LITAF: variants seen among roughly 807,000 people sequenced by gnomAD.
The protein encoded by LITAF is lipopolysaccharide induced TNF factor.
LITAF carries 9 observed loss-of-function variants against 14.5 expected under a neutral mutation model. That is an observed-to-expected ratio of 0.62 (90% CI 0.37 to 1.08). LITAF has a LOEUF of 1.08. Among genes scored for constraint, LITAF ranks in the 50% least tolerant of loss-of-function variants. The probability of loss-of-function intolerance (pLI) is 0.01; values close to 1 mark genes in which losing one functional copy is unlikely to be tolerated. For synonymous variants in LITAF, 98 were observed against 88.2 expected (o/e 1.11, Z -0.62); for missense variants, 206 against 213.4 (o/e 0.97, Z 0.22).
chr16:11,615,386 A>T (rs1567264345), intron 3 of LITAF, among the ~76,000 whole-genome samples: 1 of 152,248 alleles, frequency 6.6e-6, no homozygotes, highest in East Asian at 1.9e-4. Flanking sequence ...AAAATACAAA[A>T]ATTAGCCTGG....
intron 1 of LITAF, among the ~76,000 whole-genome samples, chr16:11,585,885 T>C (rs1165919361): frequency 6.6e-6 from 1 of 152,268 alleles, no homozygotes; most frequent in Admixed American, 6.5e-5. Context: ...GCCAGTGACA[T>C]CAGCTCCACT....
chr16:11,626,945 T>A (rs1327644226), intron 3 of LITAF, among the ~76,000 whole-genome samples: 1 of 151,832 alleles, frequency 6.6e-6, no homozygotes, highest in Admixed American at 6.6e-5. Flanking sequence ...CGGGCTCAGG[T>A]GATCCTCCCA....
chr16:11,637,958 ATATATATC>A (rs1288028614), upstream of LITAF, among the ~76,000 whole-genome samples: 333 of 61,548 alleles, frequency 5.4e-3, 14 homozygotes, highest in South Asian at 0.028. Context: ...ATATATATCT[ATATATATC>A]TATATATCTA....
chr16:11,584,589 T>G (rs982021129), intron 1 of LITAF, among the ~76,000 whole-genome samples: 1 of 152,226 alleles, frequency 6.6e-6, no homozygotes, highest in African/African-American at 2.4e-5. Context: ...CTGAACTATG[T>G]CCTCATGTTC....
At chr16:11,579,852 A>C (rs953076489) in intron 1 of LITAF, among the ~76,000 whole-genome samples, 2 of 152,184 alleles carry the variant, frequency 1.3e-5, no homozygotes, top group African/African-American at 2.4e-5. Context: ...AGGACACACT[A>C]CCCCAAAATA....
chr16:11,607,516 T>C (rs931035452), intron 3 of LITAF, among the ~76,000 whole-genome samples: 5 of 151,930 alleles, frequency 3.3e-5, no homozygotes, highest in African/African-American at 9.7e-5. Context: ...CTTCTGAAAG[T>C]AGTGTGCTTT....
chr16:11,568,471 G>A (rs927254054), intron 1 of LITAF, among the ~76,000 whole-genome samples: 2 of 151,982 alleles, frequency 1.3e-5, no homozygotes, highest in African/African-American at 4.8e-5. Context: ...TGGGGACAAG[G>A]TGTCATCCGT....
chr16:11,619,929 AG>A (rs1406331024), intron 3 of LITAF, among the ~76,000 whole-genome samples: 5 of 152,048 alleles, frequency 3.3e-5, no homozygotes, highest in African/African-American at 1.2e-4. Context: ...GCACTTTGGG[AG>A]GCCGAGAGCA....
chr16:11,640,120 G>A (rs2065159255), upstream of LITAF, among the ~76,000 whole-genome samples: 1 of 152,168 alleles, frequency 6.6e-6, no homozygotes, highest in Non-Finnish European at 1.5e-5. Context: ...TGTCCTCTCA[G>A]TAGAAAGGGA....
chr16:11,580,766 CT>C (rs2064720090), intron 1 of LITAF, among the ~76,000 whole-genome samples: 2 of 151,380 alleles, frequency 1.3e-5, no homozygotes, highest in Admixed American at 6.6e-5. Context: ...GCCCCTATTC[CT>C]TTTTCTTTTT....
At chr16:11,636,488 T>G (rs2065138877), upstream of LITAF, 1 of 152,282 alleles carries the variant, frequency 6.6e-6, no homozygotes, top group African/African-American at 2.4e-5. Flanking sequence ...GCATAGCACG[T>G]GAAGAACTGG....
Position 11,632,796 on chromosome 16 carries a change from CAG to C in LITAF, c.85+735_85+736del. ...TGGTGCCCTCAGCCCCCGCACGGGTCAGAGTTTTCCGTGTGCCGCCTCCTCGT... is the reference window on the plus strand; with the variant it reads ...TGGTGCCCTCAGCCCCCGCACGGGTCAGTTTTCCGTGTGCCGCCTCCTCGT... On this transcript the variant is annotated intron_variant, in intron 3 of 3. Transcript: ENST00000574848. This position sits in a 1 kb window ranked among gnomAD's most constrained non-coding sequence, Gnocchi z 4.8. 6.6e-6 allele frequency among the ~76,000 whole-genome samples: 1 copy of C among 152,276 alleles called. No homozygotes were observed. Among genetic ancestry groups the C allele is most frequent in the African/African-American group, 2.4e-5 (1 of 41,526 alleles).
intron 1 of LITAF, among the ~76,000 whole-genome samples, chr16:11,593,958 C>T (rs567014093): frequency 1.1e-4 from 17 of 152,130 alleles, no homozygotes; most frequent in Non-Finnish European, 2.4e-4. Flanking sequence ...AGGCGAGTTG[C>T]TTGAGGTCGG....
intron 3 of LITAF, among the ~76,000 whole-genome samples, chr16:11,608,205 C>G (rs147213209): frequency 6.6e-6 from 1 of 152,166 alleles, no homozygotes. Flanking sequence ...AGAAGCTGAG[C>G]GAGTGGCCCA....
intron 3 of LITAF, among the ~76,000 whole-genome samples, chr16:11,619,739 T>A (rs963822187): frequency 3.6e-4 from 55 of 152,098 alleles, no homozygotes; most frequent in African/African-American, 4.1e-4. Flanking sequence ...GTTAATTTTT[T>A]AAAATTTTTC....
At chr16:11,585,378 G>C (rs2064791595) in intron 1 of LITAF, among the ~76,000 whole-genome samples, 1 of 152,158 alleles carries the variant, frequency 6.6e-6, no homozygotes, top group African/African-American at 2.4e-5. Flanking sequence ...GAAAGAGGGA[G>C]ATGGGCCTCC....
intron 3 of LITAF, chr16:11,551,645 AC>A: frequency 1.7e-6 from 1 of 575,428 alleles, no homozygotes; most frequent in Non-Finnish European, 3.1e-6. Context: ...ACATAGTAAA[AC>A]CCCTGCTTCC....
chr16:11,599,169 A>C (rs1262268029), upstream of LITAF, among the ~76,000 whole-genome samples: 1 of 151,662 alleles, frequency 6.6e-6, no homozygotes, highest in Non-Finnish European at 1.5e-5. Flanking sequence ...CCCAGGCTAA[A>C]GTGCAGTGGT....
chr16:11,557,983 G>A (rs2064300021), intron 1 of LITAF, among the ~76,000 whole-genome samples: 1 of 152,164 alleles, frequency 6.6e-6, no homozygotes, highest in African/African-American at 2.4e-5. Flanking sequence ...CAGACACAGT[G>A]CTGTTCTTTG....
Sources: gnomAD v4.1 joint callset for allele counts (sites outside exome capture counted in the v4.1 genomes callset) on GRCh38, gnomAD v4.1.1 for gene constraint, Gnocchi (gnomAD v3.1) non-coding constraint, MANE v1.5 for transcripts, NCBI Gene and HGNC (gene_info 2026-07-23, HGNC 2026-07-21) for gene names.